Variants in CNKSR2 observed in about 807,000 individuals in gnomAD.
CNKSR2 encodes connector enhancer of kinase suppressor of Ras 2, also known as CNK homolog protein 2.
In CNKSR2, 14 loss-of-function variants were observed where a neutral mutation model predicts 84.4. The ratio of observed to expected loss-of-function variants is 0.17; its 90% CI spans 0.11 to 0.26. The LOEUF (loss-of-function observed/expected upper bound fraction) is 0.26. Among genes scored for constraint, CNKSR2 ranks in the 10% least tolerant of loss-of-function variants. The probability of loss-of-function intolerance (pLI) is 1.00; values close to 1 mark genes in which losing one functional copy is unlikely to be tolerated. For missense variants in CNKSR2, 485 were observed against 771.2 expected, an observed-to-expected ratio of 0.63 and a Z score of 4.40; for synonymous variants, 275 against 277.9, an observed-to-expected ratio of 0.99 and a Z score of 0.10.
chrX:21,613,512 A>G (rs1176687311), intron 20 of CNKSR2, among the ~76,000 whole-genome samples: 1 of 112,514 alleles, frequency 8.9e-6, no homozygotes, highest in African/African-American at 3.2e-5. Flanking sequence ...TTAGAAATCT[A>G]AAGCAAAACC....
chrX:21,550,164 A>G (rs2092072430), intron 11 of CNKSR2, among the ~76,000 whole-genome samples: 1 of 112,236 alleles, frequency 8.9e-6, no homozygotes, highest in African/African-American at 3.2e-5. Context: ...TTTGCAATCT[A>G]TCCATCTGAC....
chrX:21,527,910 C>T (rs2091850117), intron 10 of CNKSR2, among the ~76,000 whole-genome samples: 1 of 110,695 alleles, frequency 9.0e-6, no homozygotes, highest in African/African-American at 3.3e-5. Context: ...CTTTAGTACA[C>T]TTAGTGTTTC....
At chrX:21,532,857 C>T (rs1053632513) in intron 11 of CNKSR2, among the ~76,000 whole-genome samples, 2 of 111,418 alleles carry the variant, frequency 1.8e-5, no homozygotes, top group Non-Finnish European at 3.8e-5. Context: ...GGAAGGACAG[C>T]ATCCCTGCTA....
intron 20 of CNKSR2, among the ~76,000 whole-genome samples, chrX:21,625,910 T>A (rs1602050046): frequency 8.9e-6 from 1 of 112,046 alleles, no homozygotes; most frequent in Non-Finnish European, 1.9e-5. Flanking sequence ...AATTAAGATG[T>A]ATTTGGGCAA....
chrX:21,542,314 T>C (rs1344491322), intron 11 of CNKSR2, among the ~76,000 whole-genome samples: 2 of 112,217 alleles, frequency 1.8e-5, no homozygotes, highest in African/African-American at 6.5e-5. Context: ...CAGTGTGACC[T>C]TGGGGATGTT....
intron 8 of CNKSR2, chrX:21,504,491 T>C (rs889074093): frequency 2.0e-5 from 3 of 150,709 alleles, no homozygotes; most frequent in Non-Finnish European, 3.8e-5. Flanking sequence ...TATTTTTCTG[T>C]AATTCTAAAA....
At chrX:21,627,478 G>A (rs764166171) in intron 20 of CNKSR2, among the ~76,000 whole-genome samples, 37 of 111,290 alleles carry the variant, frequency 3.3e-4, no homozygotes, top group Non-Finnish European at 4.7e-4. Context: ...CAGCCTGGGC[G>A]ACTGAGCAAG....
At chrX:21,384,796 G>A (rs2089946015) in intron 1 of CNKSR2, among the ~76,000 whole-genome samples, 1 of 111,850 alleles carries the variant, frequency 8.9e-6, no homozygotes. Flanking sequence ...ATTTTTTGGA[G>A]TATTTTCCAA....
chrX:21,468,709 G>C (rs2091159924), intron 4 of CNKSR2: 1 of 111,297 alleles, frequency 9.0e-6, no homozygotes. Flanking sequence ...TCAGGGTGCA[G>C]TGCTAATAAA....
intron 1 of CNKSR2, among the ~76,000 whole-genome samples, chrX:21,412,470 A>C (rs946002642): frequency 1.8e-5 from 2 of 112,227 alleles, no homozygotes; most frequent in African/African-American, 6.5e-5. Context: ...TATTGCTTAG[A>C]TATTAAATGG....
At chrX:21,647,914 A>G (rs368667769) in intron 20 of CNKSR2, among the ~76,000 whole-genome samples, 2 of 111,732 alleles carry the variant, frequency 1.8e-5, no homozygotes, top group East Asian at 5.6e-4. Context: ...TACCACTCCA[A>G]GCAAAATCCT....
At chrX:21,497,702 T>A in intron 6 of CNKSR2, 85 bp from the exon 7 acceptor site, 1 of 521,526 alleles carries the variant, frequency 1.9e-6, no homozygotes, top group Non-Finnish European at 3.4e-6. Flanking sequence ...TTTGATAGAG[T>A]AATTTTTTAT....
At chrX:21,551,693 G>A (rs1398972068) in intron 11 of CNKSR2, among the ~76,000 whole-genome samples, 1 of 111,778 alleles carries the variant, frequency 8.9e-6, no homozygotes, top group Non-Finnish European at 1.9e-5. Flanking sequence ...AATGGGTAGA[G>A]ACCAAAGATG....
chrX:21,521,303 T>C (rs957035811), intron 9 of CNKSR2, among the ~76,000 whole-genome samples: 8 of 110,865 alleles, frequency 7.2e-5, no homozygotes, highest in Non-Finnish European at 1.3e-4. Context: ...CCAGAAGCAA[T>C]TGTATGTTTT....
intron 6 of CNKSR2, chrX:21,492,698 A>C (rs949084302): frequency 8.9e-6 from 1 of 111,892 alleles, no homozygotes; most frequent in African/African-American, 3.2e-5. Context: ...AGGAAGGAAA[A>C]GAAAAACTCA....
chrX:21,573,955 C>T (rs952717113), intron 13 of CNKSR2, among the ~76,000 whole-genome samples: 1 of 111,574 alleles, frequency 9.0e-6, no homozygotes, highest in African/African-American at 3.3e-5. Context: ...TTTTTATGGT[C>T]TGCTTCCTCT....
At chrX:21,424,721 C>T (rs1388916881) in intron 1 of CNKSR2, 1 of 111,935 alleles carries the variant, frequency 8.9e-6, no homozygotes, top group Non-Finnish European at 1.9e-5. Context: ...TTATCTCCAG[C>T]GTTCACAGCA....
chrX:21,519,447 G>C (rs771052310), intron 9 of CNKSR2, among the ~76,000 whole-genome samples: 2 of 110,612 alleles, frequency 1.8e-5, no homozygotes, highest in Non-Finnish European at 3.8e-5. Context: ...TAGTACCTAA[G>C]GAGCTACCTC....
At position 21,428,422 on chromosome X, in the gene CNKSR2, GA is replaced by G. The variant is rs750361669; in HGVS notation, c.228+1763del. On this transcript the variant is annotated intron_variant, in intron 2 of 21. Coordinates refer to ENST00000379510, the MANE Select transcript of CNKSR2 (RefSeq NM_014927.5). Reference sequence around the variant, plus strand: ...ATGTGAATAAATGTTTATGGCAGCTGATGAGAATCAAAGGTTTATTTAGTCA... The same window carrying G: ...ATGTGAATAAATGTTTATGGCAGCTGTGAGAATCAAAGGTTTATTTAGTCA... The G allele has an allele frequency of 7.2e-5, 8 of 111,822 alleles. No homozygotes were observed. The South Asian group carries it at 1.5e-3, about 21-fold the overall frequency. 9.2% of individuals were successfully genotyped at this position (111,822 alleles called of 1,213,427 possible).
Sources: gnomAD v4.1 joint callset for allele counts (sites outside exome capture counted in the v4.1 genomes callset) on GRCh38, gnomAD v4.1.1 for gene constraint, MANE v1.5 for transcripts, NCBI Gene and HGNC (gene_info 2026-07-23, HGNC 2026-07-21) for gene names.